DNER: variants seen among roughly 807,000 people sequenced by gnomAD.
The protein encoded by DNER is delta and Notch-like epidermal growth factor-related receptor.
Under a neutral mutation model 78.2 loss-of-function variants are expected in DNER, and 33 were observed. The ratio of observed to expected loss-of-function variants is 0.42; its 90% CI spans 0.32 to 0.56. The LOEUF (loss-of-function observed/expected upper bound fraction) is 0.56. Among genes scored for constraint, DNER ranks in the 20% least tolerant of loss-of-function variants. The pLI is 0.11. For synonymous variants in DNER, 417 were observed against 384.8 expected, an observed-to-expected ratio of 1.08 and a Z score of -0.98; for missense variants, 918 against 975.3, an observed-to-expected ratio of 0.94 and a Z score of 0.78.
intron 5 of DNER, among the ~76,000 whole-genome samples, chr2:229,523,754 A>T (rs963976448): frequency 6.6e-6 from 1 of 152,184 alleles, no homozygotes; most frequent in Non-Finnish European, 1.5e-5. Flanking sequence ...TCCTTCACAG[A>T]TATCTGATGC....
intron 4 of DNER, among the ~76,000 whole-genome samples, chr2:229,547,584 C>T (rs1477300779): frequency 6.6e-6 from 1 of 152,172 alleles, no homozygotes; most frequent in Non-Finnish European, 1.5e-5. Context: ...TATCACCTGC[C>T]CTAGTCTCGG....
At chr2:229,512,727 A>T (rs1695889677) in intron 6 of DNER, 56 bp downstream of exon 6, 2 of 1,572,584 alleles carry the variant, frequency 1.3e-6, no homozygotes, top group Non-Finnish European at 1.7e-6. Flanking sequence ...AAAAAACAAG[A>T]GGTGCATGCT....
intron 8 of DNER, among the ~76,000 whole-genome samples, chr2:229,444,603 T>C (rs1694302177): frequency 6.6e-6 from 1 of 152,154 alleles, no homozygotes; most frequent in Admixed American, 6.5e-5. Context: ...TAAGAAAAAG[T>C]TTGGGTCAGG....
chr2:229,644,241 G>A (rs569761738), intron 1 of DNER, among the ~76,000 whole-genome samples: 30 of 151,784 alleles, frequency 2.0e-4, no homozygotes, highest in African/African-American at 6.3e-4. Context: ...TAATCATATC[G>A]TGGAAAATGG....
At chr2:229,554,941 A>AGAG (rs1559165523) in intron 4 of DNER, among the ~76,000 whole-genome samples, 4 of 25,614 alleles carry the variant, frequency 1.6e-4, no homozygotes, top group Non-Finnish European at 2.4e-4. Context: ...AGAAGAGAGA[A>AGAG]AAGGGAAGGG....
chr2:229,393,629 C>T (rs1017887517), intron 10 of DNER, among the ~76,000 whole-genome samples: 1 of 151,910 alleles, frequency 6.6e-6, no homozygotes, highest in Admixed American at 6.6e-5. Context: ...GGGTGGATCA[C>T]GAGGTCAGGA....
intron 1 of DNER, among the ~76,000 whole-genome samples, chr2:229,691,390 T>C (rs1051208661): frequency 2.0e-5 from 3 of 152,150 alleles, no homozygotes; most frequent in South Asian, 2.1e-4. Flanking sequence ...GGAAAACTAC[T>C]ATCCTTTGAG....
chr2:229,591,539 T>C lies in DNER; in HGVS notation c.585+41A>G. On this transcript the variant is annotated intron_variant, in intron 2 of 12. Coordinates refer to ENST00000341772, the MANE Select transcript of DNER (RefSeq NM_139072.4). The surrounding 1 kb of genome is among the most constrained non-coding windows in gnomAD (Gnocchi z 4.6). ...ACCGCTGGAGTCACTTTAAGATTTC[T>C]GGTTTCTAATGTAAAAATGCACATG... is the stretch of plus-strand genomic sequence containing the variant. The C allele has an allele frequency of 6.4e-7, 1 of 1,563,846 alleles. No individual in the cohort carries two copies. Among genetic ancestry groups the C allele is most frequent in the Non-Finnish European group, 8.7e-7 (1 of 1,155,100 alleles).
At chr2:229,598,824 G>A (rs545729554) in intron 1 of DNER, among the ~76,000 whole-genome samples, 1 of 152,076 alleles carries the variant, frequency 6.6e-6, no homozygotes, top group Non-Finnish European at 1.5e-5. Context: ...TTGCTCACCT[G>A]CTCTGGACAC....
rs375504819 is a variant in DNER, at chr2:229,463,483, C to A, written c.1261+13657G>T. Among the ~76,000 whole-genome samples the A allele has an allele frequency of 3.9e-5, 6 of 152,210 alleles. No homozygotes were observed. The South Asian group carries it at 6.2e-4, about 16-fold the overall frequency. On this transcript the variant is annotated intron_variant, in intron 7 of 12. Transcript: ENST00000341772. ...TGTGATGGGGTCTCGCTTTGTCTCC[C>A]AGGCTGGAGTATAGTGGCATAATCA...
intron 7 of DNER, among the ~76,000 whole-genome samples, chr2:229,471,049 A>AG (rs5839332): frequency 0.59 from 88,949 of 151,788 alleles, 29,054 homozygotes; most frequent in East Asian, 0.74. Flanking sequence ...TAATTTTATG[A>AG]GGGTATGTGG....
At chr2:229,490,212 G>A (rs890051792) in intron 6 of DNER, among the ~76,000 whole-genome samples, 1 of 152,194 alleles carries the variant, frequency 6.6e-6, no homozygotes, top group Non-Finnish European at 1.5e-5. Flanking sequence ...ATAGCAGAAA[G>A]AGGGAGACAA....
intron 5 of DNER, among the ~76,000 whole-genome samples, chr2:229,539,112 C>T (rs534975603): frequency 3.9e-5 from 6 of 152,186 alleles, no homozygotes; most frequent in African/African-American, 1.4e-4. Flanking sequence ...CAGGAAAGGT[C>T]TTTCCTTTGA....
intron 12 of DNER, among the ~76,000 whole-genome samples, chr2:229,366,300 C>T (rs1338279126): frequency 6.6e-6 from 1 of 152,094 alleles, no homozygotes; most frequent in Non-Finnish European, 1.5e-5. Context: ...TTAAAAGATC[C>T]GTCTAAACTA....
chr2:229,486,020 C>T (rs1695263312), intron 6 of DNER, among the ~76,000 whole-genome samples: 1 of 152,140 alleles, frequency 6.6e-6, no homozygotes, highest in Admixed American at 6.5e-5. Flanking sequence ...CAAGAGAACC[C>T]ACCAGTCTCA....
chr2:229,482,849 A>C (rs1695194942), intron 6 of DNER, among the ~76,000 whole-genome samples: 1 of 152,334 alleles, frequency 6.6e-6, no homozygotes, highest in South Asian at 2.1e-4. Flanking sequence ...ACAGAGTAGA[A>C]GACCTAAGAG....
At chr2:229,679,992 A>G (rs1350688718) in intron 1 of DNER, among the ~76,000 whole-genome samples, 1 of 152,196 alleles carries the variant, frequency 6.6e-6, no homozygotes, top group Non-Finnish European at 1.5e-5. Context: ...TCATTTGAAA[A>G]AGGCTATAAA....
chr2:229,423,999 T>G (rs1380181021), intron 8 of DNER, among the ~76,000 whole-genome samples: 1 of 152,220 alleles, frequency 6.6e-6, no homozygotes, highest in African/African-American at 2.4e-5. Flanking sequence ...AACGCAGTAT[T>G]CACAGCTGTA....
At chr2:229,381,623 T>C (rs190542241) in intron 11 of DNER, among the ~76,000 whole-genome samples, 71 of 151,994 alleles carry the variant, frequency 4.7e-4, no homozygotes, top group African/African-American at 1.6e-3. Flanking sequence ...GAGGCTTGAG[T>C]AGGCGGTTTT....
Sources: allele counts gnomAD v4.1 joint callset (sites outside exome capture counted in the v4.1 genomes callset), GRCh38; gene constraint gnomAD v4.1.1; non-coding constraint Gnocchi (gnomAD v3.1); transcripts MANE v1.5; gene names NCBI Gene and HGNC (gene_info 2026-07-23, HGNC 2026-07-21).